Variants in KCNH1 observed in about 807,000 individuals in gnomAD.
KCNH1 encodes potassium voltage-gated channel subfamily H member 1, also known as voltage-gated delayed rectifier potassium channel KCNH1.
In KCNH1, 27 loss-of-function variants were observed where a neutral mutation model predicts 69.2. The ratio of observed to expected loss-of-function variants is 0.39; its 90% CI spans 0.29 to 0.54. The LOEUF is 0.54. KCNH1 is among the 20% of genes least tolerant of loss of function. KCNH1 has a pLI of 0.68. For missense variants in KCNH1, 798 were observed against 1,261.6 expected, an observed-to-expected ratio of 0.63 and a Z score of 5.57; for synonymous variants, 456 against 487.7, an observed-to-expected ratio of 0.93 and a Z score of 0.86.
intron 6 of KCNH1, among the ~76,000 whole-genome samples, chr1:210,972,419 A>T (rs1370307229): frequency 6.6e-6 from 1 of 152,130 alleles, no homozygotes; most frequent in Non-Finnish European, 1.5e-5. Context: ...GTTGGTCTTC[A>T]TGCAGAAACC....
At chr1:210,934,418 G>A (rs1687736990) in intron 6 of KCNH1, among the ~76,000 whole-genome samples, 1 of 152,194 alleles carries the variant, frequency 6.6e-6, no homozygotes, top group African/African-American at 2.4e-5. Context: ...ACTTTGTGGG[G>A]CCAAGGTGGG....
intron 5 of KCNH1, among the ~76,000 whole-genome samples, chr1:211,065,479 G>C (rs917138466): frequency 7.2e-5 from 11 of 152,192 alleles, no homozygotes; most frequent in African/African-American, 2.7e-4. Flanking sequence ...GGGCCTGGGA[G>C]AAAGAGGGAA....
rs559403555 is a variant in KCNH1 at position 210,898,673 on chromosome 1, C to T, written c.1462+20967G>A. 2.4e-4 allele frequency among the ~76,000 whole-genome samples: 32 copies of T among 132,060 alleles called. No homozygotes were observed. The South Asian group carries it at 5.4e-3, about 22-fold the overall frequency. The allele number at this position is 132,060 out of a possible 152,430, so 86.6% of individuals were successfully genotyped here. Reference sequence around the variant, plus strand: ...CGCAAGACCCCTTGGAGGGGGCAGGCGTGGCGGCGGGGGGGGGTCCTGTCA... The same window carrying T: ...CGCAAGACCCCTTGGAGGGGGCAGGTGTGGCGGCGGGGGGGGGTCCTGTCA... On this transcript the variant is annotated intron_variant, in intron 7 of 10. Coordinates refer to ENST00000271751, the MANE Select transcript of KCNH1 (RefSeq NM_172362.3).
intron 6 of KCNH1, among the ~76,000 whole-genome samples, chr1:210,959,193 G>T (rs1315403125): frequency 1.3e-5 from 2 of 152,140 alleles, no homozygotes; most frequent in Non-Finnish European, 2.9e-5. Flanking sequence ...GTCTGTTGGA[G>T]CTTGCTGGAG....
intron 4 of KCNH1, among the ~76,000 whole-genome samples, chr1:211,087,311 C>T (rs551297139): frequency 6.6e-6 from 1 of 152,172 alleles, no homozygotes; most frequent in Non-Finnish European, 1.5e-5. Flanking sequence ...TGAATTTGCT[C>T]CTTTAATATG....
chr1:210,941,884 G>T (rs1687882884), intron 6 of KCNH1, among the ~76,000 whole-genome samples: 1 of 152,142 alleles, frequency 6.6e-6, no homozygotes, highest in Non-Finnish European at 1.5e-5. Flanking sequence ...TTTTGACTCT[G>T]TCCTATCTTC....
At chr1:210,836,018 T>C (rs1254021194) in intron 7 of KCNH1, among the ~76,000 whole-genome samples, 2 of 145,540 alleles carry the variant, frequency 1.4e-5, no homozygotes, top group Non-Finnish European at 3.0e-5. Context: ...TAGTCCCAGC[T>C]ACTAGGGAGG....
intron 10 of KCNH1, among the ~76,000 whole-genome samples, chr1:210,719,407 A>C (rs962110982): frequency 3.9e-5 from 6 of 152,244 alleles, no homozygotes; most frequent in Non-Finnish European, 8.8e-5. Context: ...GACATGGATG[A>C]AACTGGAAAC....
At chr1:210,788,784 C>A (rs1466860472) in intron 9 of KCNH1, among the ~76,000 whole-genome samples, 1 of 143,988 alleles carries the variant, frequency 6.9e-6, no homozygotes, top group Non-Finnish European at 1.5e-5. Context: ...GCAAGCTCCG[C>A]CTCCCGGGTT....
At chr1:210,997,010 G>A (rs895156253) in intron 6 of KCNH1, among the ~76,000 whole-genome samples, 19 of 152,088 alleles carry the variant, frequency 1.2e-4, no homozygotes, top group Admixed American at 1.0e-3. Context: ...AAACCCTTCC[G>A]TACATCACCA....
At chr1:210,883,233 T>C (rs1686534213) in intron 7 of KCNH1, among the ~76,000 whole-genome samples, 1 of 152,096 alleles carries the variant, frequency 6.6e-6, no homozygotes, top group Admixed American at 6.6e-5. Context: ...GAGCAGCAAA[T>C]GTGTGCTAAT....
At chr1:210,699,153 T>C (rs545223628) in intron 10 of KCNH1, among the ~76,000 whole-genome samples, 1 of 152,172 alleles carries the variant, frequency 6.6e-6, no homozygotes, top group South Asian at 2.1e-4. Flanking sequence ...CTCTGTGGAG[T>C]AGGCATGTGG....
At chr1:210,997,824 T>C (rs1689082990) in intron 6 of KCNH1, among the ~76,000 whole-genome samples, 1 of 152,152 alleles carries the variant, frequency 6.6e-6, no homozygotes, top group Non-Finnish European at 1.5e-5. Context: ...TCGGCAGAAA[T>C]TCTACAAGCC....
chr1:210,691,658 G>A (rs1681529833), intron 10 of KCNH1, among the ~76,000 whole-genome samples: 1 of 152,148 alleles, frequency 6.6e-6, no homozygotes, highest in Non-Finnish European at 1.5e-5. Flanking sequence ...AAGAATTCAG[G>A]GGCAGCACTA....
chr1:210,962,023 A>G (rs1688304404), intron 6 of KCNH1, among the ~76,000 whole-genome samples: 2 of 152,060 alleles, frequency 1.3e-5, no homozygotes, highest in African/African-American at 4.8e-5. Context: ...AGTAGTTTTT[A>G]CACAGGCCTG....
At chr1:210,866,406 C>T (rs1473560328) in intron 7 of KCNH1, among the ~76,000 whole-genome samples, 1 of 151,942 alleles carries the variant, frequency 6.6e-6, no homozygotes. Flanking sequence ...TTACAAAAAA[C>T]TCATAACTCA....
chr1:211,047,557 T>C (rs901849585), intron 5 of KCNH1, among the ~76,000 whole-genome samples: 1 of 152,140 alleles, frequency 6.6e-6, no homozygotes, highest in African/African-American at 2.4e-5. Flanking sequence ...TCAGAGCTGA[T>C]CAACCTTGAG....
intron 6 of KCNH1, among the ~76,000 whole-genome samples, chr1:211,009,981 G>T (rs1008179551): frequency 3.3e-5 from 5 of 152,178 alleles, no homozygotes; most frequent in African/African-American, 1.2e-4. Context: ...TACGAGCTGG[G>T]TGTTGTCAGT....
At chr1:211,089,580 A>G (rs1032152846) in intron 4 of KCNH1, among the ~76,000 whole-genome samples, 6 of 152,172 alleles carry the variant, frequency 3.9e-5, no homozygotes, top group African/African-American at 9.6e-5. Context: ...AATGCTTTTT[A>G]TTTCCTCCTA....
Sources: allele counts gnomAD v4.1 joint callset (sites outside exome capture counted in the v4.1 genomes callset), GRCh38; gene constraint gnomAD v4.1.1; transcripts MANE v1.5; gene names NCBI Gene and HGNC (gene_info 2026-07-23, HGNC 2026-07-21).